Variants in GPR137B observed in about 807,000 individuals in gnomAD.
The protein encoded by GPR137B is G protein-coupled receptor 137B, also known as integral membrane protein GPR137B.
Under a neutral mutation model 42.5 loss-of-function variants are expected in GPR137B, and 42 were observed. The ratio of observed to expected loss-of-function variants is 0.99; its 90% CI spans 0.77 to 1.28. The LOEUF (loss-of-function observed/expected upper bound fraction) is 1.28. Among genes scored for constraint, GPR137B ranks in the 50% most tolerant of loss-of-function variants. The probability of loss-of-function intolerance (pLI) is 0.00; values close to 1 mark genes in which losing one functional copy is unlikely to be tolerated. For missense variants in GPR137B, 487 were observed against 493.9 expected, an observed-to-expected ratio of 0.99 and a Z score of 0.13; for synonymous variants, 218 against 209.7, an observed-to-expected ratio of 1.04 and a Z score of -0.34.
At position 236,171,101 on chromosome 1, in the gene GPR137B, G is replaced by C. The variant is rs960679088; in HGVS notation, c.464+2346G>C. Among the ~76,000 whole-genome samples, 2 of 152,092 alleles carry C rather than the reference G, an allele frequency of 1.3e-5. No individual in the cohort carries two copies. Among genetic ancestry groups the C allele is most frequent in the African/African-American group, 4.8e-5 (2 of 41,404 alleles). On this transcript the variant is annotated intron_variant, in intron 2 of 6. Transcript: ENST00000366592. This position sits in a 1 kb window ranked among gnomAD's most constrained non-coding sequence, Gnocchi z 4.4. ...TACACCTTATACACATATCCTGAAG[G>C]CAACTTTATACAACATTTTAAATAA...
In GPR137B at chr1:236,157,984, G is replaced by C. The variant is rs146907617; in HGVS notation, c.415-10722G>C. On this transcript the variant is annotated intron_variant, in intron 1 of 6. Transcript: ENST00000366592. Reference sequence around the variant, plus strand: ...GCAAAACCATACTGGACGGTACTCTGTATCTTTCACGAATCCAGATTTACC... The same window carrying C: ...GCAAAACCATACTGGACGGTACTCTCTATCTTTCACGAATCCAGATTTACC... Among the ~76,000 whole-genome samples the C allele has an allele frequency of 2.6e-5, 4 of 152,246 alleles. No homozygotes were observed. In the East Asian group the frequency reaches 7.7e-4, roughly 29 times the overall value.
chr1:236,149,910 G>A (rs1661796440), intron 1 of GPR137B, among the ~76,000 whole-genome samples: 2 of 151,924 alleles, frequency 1.3e-5, no homozygotes, highest in Admixed American at 1.3e-4. Context: ...ATGTGTGCCT[G>A]TGCACGTGTG....
At chr1:236,175,558 A>G (rs949922202) in intron 2 of GPR137B, among the ~76,000 whole-genome samples, 8 of 152,234 alleles carry the variant, frequency 5.3e-5, no homozygotes, top group African/African-American at 1.2e-4. Context: ...GGATAAAACA[A>G]TAAAAGCAGG....
chr1:236,191,201 T>C (rs1199950076), intron 5 of GPR137B, among the ~76,000 whole-genome samples: 1 of 152,202 alleles, frequency 6.6e-6, no homozygotes, highest in Non-Finnish European at 1.5e-5. Context: ...AGGTCATTTA[T>C]ATTCTCCTCT....
chr1:236,207,529 C>G (rs1313132504), intron 6 of GPR137B, among the ~76,000 whole-genome samples: 1 of 152,216 alleles, frequency 6.6e-6, no homozygotes, highest in African/African-American at 2.4e-5. Context: ...ACAAGACCCC[C>G]TTTCTACTAC....
intron 5 of GPR137B, among the ~76,000 whole-genome samples, chr1:236,188,690 G>A (rs543077254): frequency 6.6e-6 from 1 of 152,262 alleles, no homozygotes; most frequent in Admixed American, 6.5e-5. Context: ...TGGTGGATAA[G>A]CTTTTTAATG....
intron 1 of GPR137B, among the ~76,000 whole-genome samples, chr1:236,149,511 C>G (rs557780975): frequency 3.9e-5 from 6 of 152,296 alleles, no homozygotes; most frequent in African/African-American, 1.4e-4. Flanking sequence ...GGAACTAGTC[C>G]TCCGTGCTCA....
chr1:236,186,883 T>G (rs1663053032), intron 5 of GPR137B, among the ~76,000 whole-genome samples: 1 of 152,200 alleles, frequency 6.6e-6, no homozygotes, highest in Non-Finnish European at 1.5e-5. Flanking sequence ...CATTGCTGGG[T>G]CAAATGGTAT....
chr1:236,208,512 G>A lies in GPR137B; in HGVS notation c.*354G>A, dbSNP rs1663734017. ...TGTTGTAGTTTGCACAGACTTTTAT[G>A]CATAATTCACTTTAAAAATATAGAA... On this transcript the variant is annotated 3_prime_UTR_variant, in exon 7 of 7. Coordinates refer to ENST00000366592, the MANE Select transcript of GPR137B (RefSeq NM_003272.4). 1 of 943,166 alleles carries A rather than the reference G, an allele frequency of 1.1e-6. No homozygotes were observed. Among genetic ancestry groups the A allele is most frequent in the Non-Finnish European group, 1.3e-6 (1 of 783,566 alleles). 58.4% of individuals were successfully genotyped at this position (943,166 alleles called of 1,614,324 possible).
chr1:236,164,157 C>G (rs749553603), intron 1 of GPR137B, among the ~76,000 whole-genome samples: 4 of 152,174 alleles, frequency 2.6e-5, no homozygotes, highest in Non-Finnish European at 5.9e-5. Flanking sequence ...TTCTCTGGGA[C>G]AGGCCCAGCT....
At chr1:236,177,138 G>A (rs527860021) in intron 2 of GPR137B, among the ~76,000 whole-genome samples, 1 of 152,204 alleles carries the variant, frequency 6.6e-6, no homozygotes, top group South Asian at 2.1e-4. Context: ...TTTTGCCAGT[G>A]GGTAAATTAT....
chr1:236,181,383 A>G (rs2102912445), intron 4 of GPR137B, among the ~76,000 whole-genome samples: 1 of 152,188 alleles, frequency 6.6e-6, no homozygotes, highest in East Asian at 1.9e-4. Context: ...TGCCAGGGAT[A>G]CAAAACCGAA....
chr1:236,164,416 C>T (rs1358209661), intron 1 of GPR137B, among the ~76,000 whole-genome samples: 1 of 152,154 alleles, frequency 6.6e-6, no homozygotes, highest in Non-Finnish European at 1.5e-5. Context: ...CAGCAGAATT[C>T]ACGTCTGCCT....
chr1:236,170,682 T>C (rs1172151931), intron 2 of GPR137B, among the ~76,000 whole-genome samples: 2 of 152,080 alleles, frequency 1.3e-5, no homozygotes, highest in African/African-American at 4.8e-5. Context: ...TTTTGAAATA[T>C]TTGCATATAC....
intron 5 of GPR137B, among the ~76,000 whole-genome samples, chr1:236,188,731 T>C (rs904552010): frequency 7.2e-5 from 11 of 152,234 alleles, no homozygotes; most frequent in Non-Finnish European, 1.6e-4. Context: ...CAGTACGTTA[T>C]TGAGGATTTT....
intron 5 of GPR137B, among the ~76,000 whole-genome samples, chr1:236,199,513 C>A (rs996132077): frequency 6.6e-6 from 1 of 152,130 alleles, no homozygotes; most frequent in Non-Finnish European, 1.5e-5. Context: ...TGTGAATCCA[C>A]CTGGTCCTGG....
At chr1:236,169,181 CA>C (rs1662451855) in intron 2 of GPR137B, among the ~76,000 whole-genome samples, 1 of 140,822 alleles carries the variant, frequency 7.1e-6, no homozygotes, top group African/African-American at 3.2e-5. Context: ...ACTGCAGGTG[CA>C]GGTGCAGGTG....
At chr1:236,143,527 G>T (rs920731896) in intron 1 of GPR137B, among the ~76,000 whole-genome samples, 1 of 152,234 alleles carries the variant, frequency 6.6e-6, no homozygotes, top group African/African-American at 2.4e-5. Flanking sequence ...GTGAGACCAT[G>T]TTGGTTTTGA....
intron 5 of GPR137B, among the ~76,000 whole-genome samples, chr1:236,190,293 A>G (rs1558493020): frequency 6.6e-6 from 1 of 151,830 alleles, no homozygotes. Context: ...CCAATTTGCC[A>G]GTCTGTGTCT....
Sources: allele counts gnomAD v4.1 joint callset (sites outside exome capture counted in the v4.1 genomes callset), GRCh38; gene constraint gnomAD v4.1.1; non-coding constraint Gnocchi (gnomAD v3.1); transcripts MANE v1.5; gene names NCBI Gene and HGNC (gene_info 2026-07-23, HGNC 2026-07-21).